Variants in MYO16 observed in about 807,000 individuals in gnomAD.
MYO16 encodes unconventional myosin-XVI.
MYO16 carries 94 observed loss-of-function variants against 205.3 expected under a neutral mutation model. The observed-to-expected ratio is 0.46, with a 90% CI of 0.39 to 0.54. The LOEUF (loss-of-function observed/expected upper bound fraction) is 0.54, where lower values mean the gene tolerates loss of function less well. Ranked by LOEUF, MYO16 falls within the 20% of genes least tolerant of loss-of-function variation. The pLI, the probability that MYO16 is intolerant of heterozygous loss-of-function variation, is 0.00. For synonymous variants in MYO16, 988 were observed against 954.0 expected, an observed-to-expected ratio of 1.04 and a Z score of -0.66; for missense variants, 2,315 against 2,387.5, an observed-to-expected ratio of 0.97 and a Z score of 0.63.
At chr13:108,922,033 G>A (rs1385665048) in intron 16 of MYO16, among the ~76,000 whole-genome samples, 4 of 152,144 alleles carry the variant, frequency 2.6e-5, no homozygotes, top group African/African-American at 4.8e-5. Context: ...TTTATAATAC[G>A]TGGAATAAGT....
the MYO16 span, among the ~76,000 whole-genome samples, chr13:108,519,542 A>C: frequency 6.6e-6 from 1 of 152,022 alleles, no homozygotes; most frequent in Non-Finnish European, 1.5e-5. Context: ...GGAAACTTGT[A>C]TAGATATCAT....
intron 16 of MYO16, among the ~76,000 whole-genome samples, chr13:108,928,492 T>G (rs1882108881): frequency 6.6e-6 from 1 of 152,186 alleles, no homozygotes; most frequent in African/African-American, 2.4e-5. Flanking sequence ...AAGAGCAACA[T>G]GGAATTCTTG....
At chr13:109,107,442 A>G (rs1358440291) in intron 28 of MYO16, among the ~76,000 whole-genome samples, 3 of 152,196 alleles carry the variant, frequency 2.0e-5, no homozygotes, top group African/African-American at 7.2e-5. Context: ...AATCAGTTGG[A>G]TGAAGGTTTT....
At chr13:108,864,959 T>C (rs1878633400) in intron 11 of MYO16, among the ~76,000 whole-genome samples, 1 of 152,178 alleles carries the variant, frequency 6.6e-6, no homozygotes, top group Admixed American at 6.5e-5. Context: ...CTCTACTCTC[T>C]TAGCTAATTT....
chr13:108,829,050 G>A (rs933424688), intron 9 of MYO16, among the ~76,000 whole-genome samples: 2 of 152,178 alleles, frequency 1.3e-5, no homozygotes, highest in Non-Finnish European at 2.9e-5. Context: ...AGAATTTGTA[G>A]CTCGTTGCTC....
chr13:109,145,185 A>T (rs1250137875), intron 32 of MYO16, among the ~76,000 whole-genome samples: 1 of 152,176 alleles, frequency 6.6e-6, no homozygotes, highest in Non-Finnish European at 1.5e-5. Flanking sequence ...ACTATAAGGC[A>T]TCTTCTCCAC....
intron 16 of MYO16, among the ~76,000 whole-genome samples, chr13:108,929,275 G>A (rs1173378373): frequency 6.6e-6 from 1 of 152,146 alleles, no homozygotes; most frequent in Non-Finnish European, 1.5e-5. Flanking sequence ...GAAATCCATG[G>A]TTCCTTTTCC....
intron 16 of MYO16, among the ~76,000 whole-genome samples, chr13:108,920,944 T>C (rs1298678260): frequency 6.6e-6 from 1 of 152,202 alleles, no homozygotes; most frequent in Non-Finnish European, 1.5e-5. Context: ...ACCAATGCAG[T>C]TTGCAGAGCG....
chr13:108,544,809 T>TA, the MYO16 span, among the ~76,000 whole-genome samples: 1 of 152,126 alleles, frequency 6.6e-6, no homozygotes, highest in African/African-American at 2.4e-5. Context: ...GTTCAGTTGT[T>TA]ATGATTTTTA....
At chr13:108,991,798 A>G (rs1449400163) in intron 20 of MYO16, among the ~76,000 whole-genome samples, 1 of 152,234 alleles carries the variant, frequency 6.6e-6, no homozygotes, top group Admixed American at 6.5e-5. Flanking sequence ...TCCTTAAGGG[A>G]AAAGAAGTCC....
At chr13:109,160,151 C>T (rs1294550547) in intron 32 of MYO16, among the ~76,000 whole-genome samples, 1 of 152,160 alleles carries the variant, frequency 6.6e-6, no homozygotes, top group Non-Finnish European at 1.5e-5. Context: ...GTTGTGACAA[C>T]TAAAAATGTC....
intron 27 of MYO16, among the ~76,000 whole-genome samples, chr13:109,090,879 T>C (rs925168444): frequency 3.7e-4 from 56 of 152,166 alleles, no homozygotes; most frequent in African/African-American, 1.4e-3. Context: ...TTCTTATCCT[T>C]CCCGGCTCTC....
At chr13:108,721,721 A>T (rs548772228) in intron 3 of MYO16, among the ~76,000 whole-genome samples, 1 of 152,252 alleles carries the variant, frequency 6.6e-6, no homozygotes, top group South Asian at 2.1e-4. Context: ...AGCTCAGAAG[A>T]TATCCAAGCT....
intron 10 of MYO16, among the ~76,000 whole-genome samples, chr13:108,850,328 C>T (rs1014755002): frequency 2.6e-5 from 4 of 152,218 alleles, no homozygotes; most frequent in Admixed American, 6.5e-5. Context: ...CTCAAAACAG[C>T]GTCCACACAA....
At chr13:109,047,723 G>A (rs1887092991) in intron 24 of MYO16, among the ~76,000 whole-genome samples, 1 of 151,870 alleles carries the variant, frequency 6.6e-6, no homozygotes. Flanking sequence ...GCTTTAAGTT[G>A]CTATAAATGA....
intron 32 of MYO16, among the ~76,000 whole-genome samples, chr13:109,150,373 G>A (rs900019428): frequency 1.3e-5 from 2 of 151,988 alleles, no homozygotes; most frequent in South Asian, 2.1e-4. Flanking sequence ...CATTGCTCTC[G>A]TGACTATGCT....
intron 3 of MYO16, among the ~76,000 whole-genome samples, chr13:108,719,914 T>G (rs1034599155): frequency 1.3e-5 from 2 of 152,174 alleles, no homozygotes; most frequent in Non-Finnish European, 2.9e-5. Context: ...TCTAGAGAAT[T>G]TAAAATGCAG....
chr13:108,636,350 TTTTTTTTTTTTTTTTTTTTTGTGTGTGTG>T (rs1880230129), intron 1 of MYO16, among the ~76,000 whole-genome samples: 1 of 22,516 alleles, frequency 4.4e-5, no homozygotes, highest in African/African-American at 2.1e-4. Flanking sequence ...ATTTCCCTTT[TTTTTTTTTTTTTTTTTTTTTGTGTGTGTG>T]TGTGTGTGTG....
At chr13:108,800,236 CAAG>C (rs990506257) in intron 6 of MYO16, among the ~76,000 whole-genome samples, 3 of 152,202 alleles carry the variant, frequency 2.0e-5, no homozygotes, top group African/African-American at 7.2e-5. Flanking sequence ...TTTGTGCATG[CAAG>C]AATCAAAACC....
Sources: gnomAD v4.1 joint callset for allele counts (sites outside exome capture counted in the v4.1 genomes callset) on GRCh38, gnomAD v4.1.1 for gene constraint, MANE v1.5 for transcripts, NCBI Gene and HGNC (gene_info 2026-07-23, HGNC 2026-07-21) for gene names.